The following RBBP6 variants were observed in gnomAD, a reference collection of about 807,000 sequenced individuals.
The protein encoded by RBBP6 is E3 ubiquitin-protein ligase RBBP6.
A neutral mutation model predicts 167.7 loss-of-function variants in RBBP6; 25 were observed. The observed-to-expected ratio is 0.15, with a 90% CI of 0.11 to 0.21. The LOEUF (loss-of-function observed/expected upper bound fraction) is 0.21, where lower values mean the gene tolerates loss of function less well. RBBP6 is among the 10% of genes least tolerant of loss of function. The pLI, the probability that RBBP6 is intolerant of heterozygous loss-of-function variation, is 1.00. For synonymous variants in RBBP6, 789 were observed against 735.8 expected (o/e 1.07, Z -1.17); for missense variants, 1,868 against 2,134.2 (o/e 0.88, Z 2.46).
intron 14 of RBBP6, among the ~76,000 whole-genome samples, chr16:24,566,656 C>T (rs1899200803): frequency 6.6e-6 from 1 of 152,092 alleles, no homozygotes. Context: ...CAGGAGAATT[C>T]GCTTGAACCC....
chr16:24,555,756 C>A lies in RBBP6; in HGVS notation c.437+53C>A, dbSNP rs146906203. 6.3e-6 allele frequency: 10 copies of A among 1,590,118 alleles called. No individual in the cohort carries two copies. In the African/African-American group the frequency reaches 1.3e-4, roughly 21 times the overall value. The stretch of plus-strand genomic sequence containing the variant: ...AGGAACTTTTGGGGTGGGTTTTCCC[C>A]CCCAATCAAAAGCACTATTTTTTCA... On this transcript the variant is annotated intron_variant, in intron 5 of 17. Transcript: ENST00000319715.
Position 24,546,225 on chromosome 16 carries a change from A to G in RBBP6, c.229A>G (p.Ile77Val), listed in dbSNP as rs768173664. Reference protein sequence around the residue: ...NSSVIVRRIPIGGVKSTSKTY... With the variant: ...NSSVIVRRIPVGGVKSTSKTY... ...TTCTGTAATTGTTAGAAGAATTCCT[A>G]TTGGAGGTGTTAAATCTACAAGCAA... Residue 77 changes from isoleucine to valine, a missense_variant, in exon 2 of 18, where the codon ATT (isoleucine) becomes GTT (valine). Coordinates refer to ENST00000319715, the MANE Select transcript of RBBP6 (RefSeq NM_006910.5). 5.0e-6 allele frequency: 8 copies of G among 1,594,612 alleles called. No homozygotes were observed. The highest frequency in any genetic ancestry group is 3.6e-4 in the Middle Eastern group (2 of 5,486).
At position 24,569,519 on chromosome 16, in the gene RBBP6, G is replaced by A; in HGVS notation, c.2829G>A (p.Glu943=). The change falls in exon 17 of 18, where the codon GAG becomes GAA. Residue 943 remains glutamate, a synonymous_variant. Transcript: ENST00000319715. ...HKKHRKRRKG[E]ESEGFLNPEL... is the part of the protein sequence containing the mutation. ...AACACAGAAAAAGAAGAAAAGGGGA[G>A]GAAAGTGAGGGTTTTCTGAACCCAG... 1 of 1,610,408 alleles carries A rather than the reference G, an allele frequency of 6.2e-7. No individual in the cohort carries two copies. The highest frequency in any genetic ancestry group is 8.5e-7 in the Non-Finnish European group (1 of 1,179,146).
rs1054673596 is a variant in RBBP6 at position 24,559,577 on chromosome 16, A to T, written c.747A>T (p.Glu249Asp). The change falls in exon 8 of 18, where the codon GAA (glutamate) becomes GAT (aspartate). Residue 249 changes from glutamate to aspartate, a missense_variant. By Grantham distance (45) the Glu-to-Asp change is conservative. Coordinates refer to ENST00000319715, the MANE Select transcript of RBBP6 (RefSeq NM_006910.5). ...AGGAGCCATCTTCTTCCTCAGAAGA[A>T]GATGATCCTATCCCAGATGAATTGT... ...LPEEPSSSSE[E>D]DDPIPDELLC... The T allele has an allele frequency of 6.8e-6, 11 of 1,608,974 alleles. No homozygotes were observed. The highest frequency in any genetic ancestry group is 1.1e-5 in the South Asian group (1 of 89,590).
chr16:24,550,770 A>C (rs2141460811), intron 3 of RBBP6, among the ~76,000 whole-genome samples: 1 of 150,930 alleles, frequency 6.6e-6, no homozygotes, highest in African/African-American at 2.4e-5. Context: ...ATTGGCTTTA[A>C]TTTTTAGGTA....
chr16:24,565,098 T>C (rs2141474737), intron 14 of RBBP6, among the ~76,000 whole-genome samples: 1 of 152,334 alleles, frequency 6.6e-6, no homozygotes, highest in Non-Finnish European at 1.5e-5. Flanking sequence ...TCCCAGTGAT[T>C]ACTTTCTCCC....
chr16:24,556,258 A>G, intron 6 of RBBP6, 50 bp from the exon 7 acceptor site: 1 of 1,426,898 alleles, frequency 7.0e-7, no homozygotes, highest in South Asian at 1.2e-5. Flanking sequence ...TATTAAATAA[A>G]GATAACTGCT....
intron 1 of RBBP6, among the ~76,000 whole-genome samples, chr16:24,544,686 CT>C (rs1279864861): frequency 1.3e-5 from 2 of 152,088 alleles, no homozygotes; most frequent in African/African-American, 2.4e-5. Context: ...TTTACAGATT[CT>C]TTCTGTAGCA....
rs1177246211 is a variant in RBBP6, at chr16:24,556,485, A to C, written c.674+38A>C. ...ATTAGGTATGACCTGTGGAGACTCC[A>C]GTCAGTCCCAGGGTATAGTGTTTTA... On this transcript the variant is annotated intron_variant, in intron 7 of 17. Transcript: ENST00000319715. The C allele has an allele frequency of 4.4e-6, 7 of 1,589,352 alleles. 1 individual carries two copies. In the Admixed American group the frequency reaches 1.0e-4, roughly 24 times the overall value.
rs1417388554 is a variant in RBBP6, at chr16:24,568,986, T to TTG, written c.2296_2297insTG (p.Tyr766LeufsTer44). 1 of 1,614,152 alleles carries TTG rather than the reference T, an allele frequency of 6.2e-7. No individual in the cohort carries two copies. Among genetic ancestry groups the TTG allele is most frequent in the African/African-American group, 1.3e-5 (1 of 75,066 alleles). On this transcript the variant is annotated frameshift_variant, in exon 17 of 18. Coordinates refer to ENST00000319715, the MANE Select transcript of RBBP6 (RefSeq NM_006910.5). LOFTEE classifies it high-confidence loss of function. Reference sequence around the variant, plus strand: ...GTCAAGGTCACCCCCTTACAGACGCTATCATTCACGATCAAGATCTCCTCA... The same window carrying TTG: ...GTCAAGGTCACCCCCTTACAGACGCTTGATCATTCACGATCAAGATCTCCTCA...
rs143847964 is a variant in RBBP6 at position 24,568,461 on chromosome 16, A to G, written c.2055-284A>G. ...AGATAGGAAGTGAAATTTAAAATTAATTGACATTTTGTTTAATGTTAGTTA... is the reference window on the plus strand; with the variant it reads ...AGATAGGAAGTGAAATTTAAAATTAGTTGACATTTTGTTTAATGTTAGTTA... On this transcript the variant is annotated intron_variant, in intron 16 of 17. Transcript: ENST00000319715. Among the ~76,000 whole-genome samples the G allele has an allele frequency of 2.0e-4, 30 of 152,358 alleles. No homozygotes were observed. The East Asian group carries it at 5.4e-3, about 27-fold the overall frequency.
At chr16:24,562,720 C>G (rs1298705275) in intron 10 of RBBP6, among the ~76,000 whole-genome samples, 1 of 149,854 alleles carries the variant, frequency 6.7e-6, no homozygotes. Context: ...AGGCCCATTT[C>G]AGACACACTG....
rs963788646 is a variant in RBBP6 at position 24,563,628 on chromosome 16, C to T, written c.1484C>T (p.Thr495Ile). 1.2e-6 allele frequency: 2 copies of T among 1,611,914 alleles called. No homozygotes were observed. Among genetic ancestry groups the T allele is most frequent in the African/African-American group, 2.7e-5 (2 of 74,056 alleles). The change falls in exon 13 of 18, where the codon ACT (threonine) becomes ATT (isoleucine). Residue 495 changes from threonine to isoleucine, a missense_variant. Around this residue, in one of 7 missense-constraint regions of RBBP6, gnomAD observed 245 missense variants for 240.1 expected, o/e 1.02. Coordinates refer to ENST00000319715, the MANE Select transcript of RBBP6 (RefSeq NM_006910.5). ...TTTCTAGGTCCAGTAAGAATAAATA[C>T]TGCTCGTCCAGGTGGTGGTCGACCA... ...IPTTGPVRIN[T>I]ARPGGGRPGW...
chr16:24,540,480 GT>G lies in RBBP6; in HGVS notation c.-145del. 1 of 686,010 alleles carries G rather than the reference GT, an allele frequency of 1.5e-6. No homozygotes were observed. The highest frequency in any genetic ancestry group is 2.3e-6 in the Non-Finnish European group (1 of 430,560). The allele number at this position is 686,010 out of a possible 1,614,324, so 42.5% of individuals were successfully genotyped here. ...TTGTTCTGACGAACCCCTGCTTGTG[GT>G]TGGGGGGTATTTAATCTGAGGCCTT... On this transcript the variant is annotated 5_prime_UTR_variant, in exon 1 of 18. Coordinates refer to ENST00000319715, the MANE Select transcript of RBBP6 (RefSeq NM_006910.5).
Position 24,559,505 on chromosome 16 carries a change from A to T in RBBP6, c.675A>T (p.Ala225=). Residue 225 remains alanine (A), a splice_region_variant and synonymous_variant, in exon 8 of 18, where the codon GCA becomes GCT. Coordinates refer to ENST00000319715, the MANE Select transcript of RBBP6 (RefSeq NM_006910.5). The part of the protein sequence containing the change: ...TGKYAIPTID[A]EAYAIGKKEK... ...AAAACATGAAAACTTTCTTTTACAG[A>T]GAAGCATATGCAATTGGGAAGAAAG... 1 of 1,592,380 alleles carries T rather than the reference A, an allele frequency of 6.3e-7. No homozygotes were observed. Among genetic ancestry groups the T allele is most frequent in the East Asian group, 2.3e-5 (1 of 44,394 alleles).
intron 14 of RBBP6, among the ~76,000 whole-genome samples, chr16:24,565,574 C>T (rs931990308): frequency 6.6e-5 from 10 of 152,210 alleles, no homozygotes; most frequent in African/African-American, 2.2e-4. Flanking sequence ...TTGTGAACTG[C>T]GTGTGCAAAG....
chr16:24,562,685 TAAA>T (rs373263162), intron 10 of RBBP6, among the ~76,000 whole-genome samples: 10 of 135,908 alleles, frequency 7.4e-5, no homozygotes, highest in African/African-American at 2.1e-4. Flanking sequence ...ATAAATTCTT[TAAA>T]AAAAAAAAAA....
chr16:24,547,925 CAG>C (rs994677305), intron 2 of RBBP6, among the ~76,000 whole-genome samples: 2 of 151,998 alleles, frequency 1.3e-5, no homozygotes, highest in Admixed American at 6.5e-5. Flanking sequence ...GCCTCTTACA[CAG>C]AATTATATGT....
At position 24,567,152 on chromosome 16, in the gene RBBP6, C is replaced by T. The variant is rs1305713927; in HGVS notation, c.1599C>T (p.Asn533=). The change falls in exon 15 of 18, where the codon AAC becomes AAT. Residue 533 remains asparagine (N), a synonymous_variant. Transcript: ENST00000319715. ...GAATTTATTTTTCCAGAAGTATAAA[C>T]CGTGGGCGACACCACAGCGAAAGAT... The part of the protein sequence containing the change: ...RGERSCYRSI[N]RGRHHSERSQ... The T allele has an allele frequency of 1.2e-6, 2 of 1,612,676 alleles. No individual in the cohort carries two copies. The highest frequency in any genetic ancestry group is 1.7e-6 in the Non-Finnish European group (2 of 1,178,830).
Sources: gnomAD v4.1 joint callset for allele counts (sites outside exome capture counted in the v4.1 genomes callset) on GRCh38, gnomAD v4.1.1 for gene constraint, gnomAD v4.1.1 regional missense constraint, MANE v1.5 for transcripts, NCBI Gene and HGNC (gene_info 2026-07-23, HGNC 2026-07-21) for gene names.